The following TMEM108 variants were observed in gnomAD, a reference collection of about 807,000 sequenced individuals.
TMEM108 encodes cancer/testis antigen 124.
TMEM108 carries 12 observed loss-of-function variants against 35.1 expected under a neutral mutation model. That is an observed-to-expected ratio of 0.34 (90% CI 0.22 to 0.55). The LOEUF (loss-of-function observed/expected upper bound fraction) is 0.55, where lower values mean the gene tolerates loss of function less well. Among genes scored for constraint, TMEM108 ranks in the 20% least tolerant of loss-of-function variants. The probability of loss-of-function intolerance (pLI) is 0.89; values close to 1 mark genes in which losing one functional copy is unlikely to be tolerated. For missense variants in TMEM108, 680 were observed against 753.3 expected, an observed-to-expected ratio of 0.90 and a Z score of 1.14; for synonymous variants, 287 against 308.6, an observed-to-expected ratio of 0.93 and a Z score of 0.73.
chr3:133,090,182 A>G (rs1169324132), intron 2 of TMEM108, among the ~76,000 whole-genome samples: 1 of 152,212 alleles, frequency 6.6e-6, no homozygotes, highest in African/African-American at 2.4e-5. Flanking sequence ...AAAAACATGT[A>G]GATTGTCACT....
chr3:133,256,682 A>G (rs1196166589), intron 3 of TMEM108, among the ~76,000 whole-genome samples: 1 of 152,220 alleles, frequency 6.6e-6, no homozygotes, highest in Non-Finnish European at 1.5e-5. Context: ...CTTCCAAACC[A>G]GTAAAACAGA....
chr3:133,352,579 C>G (rs771609202), intron 3 of TMEM108, among the ~76,000 whole-genome samples: 17 of 152,310 alleles, frequency 1.1e-4, no homozygotes, highest in Admixed American at 1.1e-3. Context: ...CAACCCCTTC[C>G]TCGGGTTTAA....
intron 2 of TMEM108, among the ~76,000 whole-genome samples, chr3:133,225,555 C>T (rs377299739): frequency 6.6e-6 from 1 of 152,186 alleles, no homozygotes; most frequent in Non-Finnish European, 1.5e-5. Context: ...TGTTCTTCCT[C>T]ACCCTAGCTG....
At chr3:133,385,928 T>TA (rs1168633094) in intron 4 of TMEM108, among the ~76,000 whole-genome samples, 1 of 152,158 alleles carries the variant, frequency 6.6e-6, no homozygotes, top group Non-Finnish European at 1.5e-5. Flanking sequence ...GAAACACCTG[T>TA]AAAATGTTCA....
chr3:133,181,059 A>G (rs1945336958), intron 2 of TMEM108, among the ~76,000 whole-genome samples: 1 of 140,522 alleles, frequency 7.1e-6, no homozygotes. Context: ...AAAGCGCTTG[A>G]TTTATTTTTA....
chr3:133,374,573 C>G (rs931857823), intron 3 of TMEM108, among the ~76,000 whole-genome samples: 2 of 149,898 alleles, frequency 1.3e-5, no homozygotes, highest in African/African-American at 4.9e-5. Context: ...TACACACACA[C>G]ACATATATAA....
intron 2 of TMEM108, among the ~76,000 whole-genome samples, chr3:133,157,646 G>A (rs1261783024): frequency 6.6e-6 from 1 of 152,136 alleles, no homozygotes; most frequent in Non-Finnish European, 1.5e-5. Flanking sequence ...CTGCTTAAGA[G>A]TACTTTTAAC....
At position 133,346,423 on chromosome 3, in the gene TMEM108, G is replaced by A. The variant is rs1435043950; in HGVS notation, c.41-33329G>A. Among the ~76,000 whole-genome samples, 2 of 151,906 alleles carry A rather than the reference G, an allele frequency of 1.3e-5. No individual in the cohort carries two copies. Among genetic ancestry groups the A allele is most frequent in the African/African-American group, 4.8e-5 (2 of 41,398 alleles). The stretch of plus-strand genomic sequence containing the variant: ...CAGTTCTCTAATGACATATGACATT[G>A]AACATCTTTTCATATGCTTATTGGC... On this transcript the variant is annotated intron_variant, in intron 3 of 5. Transcript: ENST00000321871. This position sits in a 1 kb window ranked among gnomAD's most constrained non-coding sequence, Gnocchi z 4.0.
chr3:133,267,224 C>A (rs111351530), intron 3 of TMEM108, among the ~76,000 whole-genome samples: 2,166 of 152,196 alleles, frequency 0.014, 60 homozygotes, highest in African/African-American at 0.05. Flanking sequence ...ACTGAGGATA[C>A]CAAAATGATA....
At chr3:133,162,751 T>C (rs1944979361) in intron 2 of TMEM108, among the ~76,000 whole-genome samples, 1 of 152,218 alleles carries the variant, frequency 6.6e-6, no homozygotes, top group South Asian at 2.1e-4. Context: ...CCTCAACTGA[T>C]TCATCAGGTT....
chr3:133,138,315 C>T (rs1281836551), intron 2 of TMEM108, among the ~76,000 whole-genome samples: 1 of 152,186 alleles, frequency 6.6e-6, no homozygotes, highest in East Asian at 1.9e-4. Context: ...GAATGACTTT[C>T]TGGAGAACCC....
Position 133,167,744 on chromosome 3 carries a change from A to G in TMEM108, c.-46-61522A>G, listed in dbSNP as rs114704789. ...ACTTGCGCTGGCCCGTGAGCACCGC[A>G]TGCAGCCCCAGTTCCCACCCGCGCC... On this transcript the variant is annotated intron_variant, in intron 2 of 5. Transcript: ENST00000321871. Among the ~76,000 whole-genome samples, 274 of 152,254 alleles carry G rather than the reference A, an allele frequency of 1.8e-3. 1 individual carries two copies. Among genetic ancestry groups the G allele is most frequent in the African/African-American group, 6.1e-3 (254 of 41,546 alleles).
chr3:133,177,972 A>G (rs914139689), intron 2 of TMEM108, among the ~76,000 whole-genome samples: 2 of 152,242 alleles, frequency 1.3e-5, no homozygotes, highest in Admixed American at 1.3e-4. Flanking sequence ...AAGTCTCAGG[A>G]TGCAAAATCA....
chr3:133,357,788 G>A lies in TMEM108; in HGVS notation c.41-21964G>A, dbSNP rs571961375. 4.7e-4 allele frequency among the ~76,000 whole-genome samples: 72 copies of A among 152,180 alleles called. 1 individual carries two copies. The highest frequency in any genetic ancestry group is 3.4e-3 in the Admixed American group (52 of 15,282). On this transcript the variant is annotated intron_variant, in intron 3 of 5. Transcript: ENST00000321871. ...TTGGGGACTCAGAGTGTAGGGGGACGTTGGGAGGCGGGTGAGGGATAAAAG... is the reference window on the plus strand; with the variant it reads ...TTGGGGACTCAGAGTGTAGGGGGACATTGGGAGGCGGGTGAGGGATAAAAG...
At chr3:133,223,845 A>G (rs1946028636) in intron 2 of TMEM108, among the ~76,000 whole-genome samples, 1 of 152,240 alleles carries the variant, frequency 6.6e-6, no homozygotes, top group Admixed American at 6.5e-5. Context: ...GGACTGTAGA[A>G]CTTAAAGAAA....
chr3:133,382,525 C>T (rs1401256843), intron 4 of TMEM108, among the ~76,000 whole-genome samples: 1 of 152,232 alleles, frequency 6.6e-6, no homozygotes, highest in Admixed American at 6.5e-5. Flanking sequence ...GGAAGCACAG[C>T]ATTCCACCTG....
At chr3:133,200,167 C>T (rs922582355) in intron 2 of TMEM108, among the ~76,000 whole-genome samples, 7 of 152,182 alleles carry the variant, frequency 4.6e-5, no homozygotes, top group Non-Finnish European at 8.8e-5. Context: ...CCGTCTGTCA[C>T]GGCTTCCCTT....
At chr3:133,093,135 G>A (rs2107708499) in intron 2 of TMEM108, among the ~76,000 whole-genome samples, 1 of 152,174 alleles carries the variant, frequency 6.6e-6, no homozygotes, top group African/African-American at 2.4e-5. Context: ...GGCTACAGGA[G>A]TGTGCCACCA....
chr3:133,110,170 A>G (rs1944208319), intron 2 of TMEM108, among the ~76,000 whole-genome samples: 1 of 152,186 alleles, frequency 6.6e-6, no homozygotes, highest in Non-Finnish European at 1.5e-5. Context: ...AGGAAAATCA[A>G]GGAGCCTATA....
Sources: gnomAD v4.1 joint callset for allele counts (sites outside exome capture counted in the v4.1 genomes callset) on GRCh38, gnomAD v4.1.1 for gene constraint, Gnocchi (gnomAD v3.1) non-coding constraint, MANE v1.5 for transcripts, NCBI Gene and HGNC (gene_info 2026-07-23, HGNC 2026-07-21) for gene names.